Variants in ARB2A observed in about 807,000 individuals in gnomAD.
The protein encoded by ARB2A is cotranscriptional regulator ARB2A.
At chr5:94,074,776 T>A in the ARB2A span, 16 of 1,562,498 alleles carry the variant, frequency 1.0e-5, no homozygotes, top group Non-Finnish European at 1.4e-5. Context: ...CAGTCTAGAA[T>A]GAATGAAAGC....
the ARB2A span, among the ~76,000 whole-genome samples, chr5:93,705,651 G>GTGTGTGTGTGTGTGTA: frequency 1.5e-5 from 2 of 132,872 alleles, no homozygotes; most frequent in African/African-American, 5.7e-5. Flanking sequence ...GTGTGTGTGT[G>GTGTGTGTGTGTGTGTA]TATATATATA....
At chr5:93,650,601 T>C in the ARB2A span, among the ~76,000 whole-genome samples, 1 of 152,008 alleles carries the variant, frequency 6.6e-6, no homozygotes, top group Non-Finnish European at 1.5e-5. Flanking sequence ...GAAAAAAATA[T>C]TTGAAGAAAT....
the ARB2A span, among the ~76,000 whole-genome samples, chr5:93,883,965 A>C: frequency 2.0e-4 from 27 of 135,754 alleles, no homozygotes; most frequent in African/African-American, 6.6e-4. Context: ...ACACACACAC[A>C]CCACCCTCTC....
At chr5:93,883,213 G>GATTAAATAAT in the ARB2A span, among the ~76,000 whole-genome samples, 1 of 151,168 alleles carries the variant, frequency 6.6e-6, no homozygotes, top group Non-Finnish European at 1.5e-5. Flanking sequence ...TTTAATGATA[G>GATTAAATAAT]GACTATTAAT....
the ARB2A span, chr5:94,055,579 A>G: frequency 2.1e-6 from 2 of 967,618 alleles, no homozygotes; most frequent in Non-Finnish European, 2.5e-6. Context: ...TGTACACTCT[A>G]GTAAGACAAA....
the ARB2A span, among the ~76,000 whole-genome samples, chr5:93,850,472 T>A: frequency 6.6e-6 from 1 of 152,122 alleles, no homozygotes; most frequent in African/African-American, 2.4e-5. Flanking sequence ...GGGATCCTTA[T>A]TATGATCAGG....
the ARB2A span, among the ~76,000 whole-genome samples, chr5:93,798,680 G>A: frequency 1.3e-5 from 2 of 152,094 alleles, no homozygotes; most frequent in Non-Finnish European, 1.5e-5. Flanking sequence ...TGAGAAAACA[G>A]ATAAAGTGAC....
the ARB2A span, among the ~76,000 whole-genome samples, chr5:93,867,403 T>C: frequency 1.3e-5 from 2 of 152,284 alleles, no homozygotes; most frequent in East Asian, 3.9e-4. Context: ...ATCAGACATT[T>C]AGGAAGTTAC....
the ARB2A span, among the ~76,000 whole-genome samples, chr5:93,627,140 A>G: frequency 6.6e-6 from 1 of 152,200 alleles, no homozygotes; most frequent in African/African-American, 2.4e-5. Flanking sequence ...GATTGCAGCA[A>G]TTCAGCCACA....
the ARB2A span, among the ~76,000 whole-genome samples, chr5:93,918,754 G>A: frequency 3.3e-5 from 5 of 152,036 alleles, no homozygotes; most frequent in Admixed American, 6.6e-5. Flanking sequence ...TCAGAGTCCC[G>A]TATTGCTTCC....
chr5:93,937,196 A>T, the ARB2A span, among the ~76,000 whole-genome samples: 1 of 151,890 alleles, frequency 6.6e-6, no homozygotes, highest in Non-Finnish European at 1.5e-5. Flanking sequence ...TAATATAAGC[A>T]AATATAACAT....
chr5:93,892,614 T>C, the ARB2A span, among the ~76,000 whole-genome samples: 1 of 152,126 alleles, frequency 6.6e-6, no homozygotes, highest in Non-Finnish European at 1.5e-5. Context: ...CACCACTGTG[T>C]CAGCTAGTCT....
At chr5:93,999,496 A>C in the ARB2A span, among the ~76,000 whole-genome samples, 1 of 151,962 alleles carries the variant, frequency 6.6e-6, no homozygotes, top group Non-Finnish European at 1.5e-5. Context: ...TGCCCAGAAA[A>C]TGTTTCTTTT....
chr5:94,035,226 T>TATACAC, the ARB2A span, among the ~76,000 whole-genome samples: 1 of 150,992 alleles, frequency 6.6e-6, no homozygotes. Context: ...TACATATACA[T>TATACAC]ATACATATAC....
At chr5:94,032,795 A>T in the ARB2A span, among the ~76,000 whole-genome samples, 4 of 152,156 alleles carry the variant, frequency 2.6e-5, no homozygotes, top group Non-Finnish European at 4.4e-5. Context: ...CCTGTCCTGT[A>T]GGTTTCAGAC....
chr5:93,725,664 A>C, the ARB2A span, among the ~76,000 whole-genome samples: 407 of 152,226 alleles, frequency 2.7e-3, 1 homozygote, highest in African/African-American at 9.3e-3. Context: ...ATTACAATCT[A>C]CTGTTACTTG....
chr5:93,958,258 G>A, the ARB2A span, among the ~76,000 whole-genome samples: 1 of 151,740 alleles, frequency 6.6e-6, no homozygotes, highest in Non-Finnish European at 1.5e-5. Flanking sequence ...TTTTATTTGT[G>A]GGCTCTAAAA....
At chr5:93,828,413 G>T in the ARB2A span, among the ~76,000 whole-genome samples, 1 of 152,176 alleles carries the variant, frequency 6.6e-6, no homozygotes, top group Non-Finnish European at 1.5e-5. Flanking sequence ...TGGTGTAGAA[G>T]AATGCTTGTG....
At chr5:93,801,067 T>C in the ARB2A span, among the ~76,000 whole-genome samples, 1 of 152,168 alleles carries the variant, frequency 6.6e-6, no homozygotes, top group Non-Finnish European at 1.5e-5. Context: ...ATCTTTCTTT[T>C]GACCTTTATC....
Sources: gnomAD v4.1 joint callset for allele counts (sites outside exome capture counted in the v4.1 genomes callset) on GRCh38, gnomAD v4.1.1 for gene constraint, MANE v1.5 for transcripts, NCBI Gene and HGNC (gene_info 2026-07-23, HGNC 2026-07-21) for gene names.